Variants in NRG3 observed in about 807,000 individuals in gnomAD.
NRG3 encodes neuregulin 3.
Under a neutral mutation model 66.9 loss-of-function variants are expected in NRG3, and 31 were observed. The observed-to-expected ratio is 0.46, with a 90% CI of 0.35 to 0.63. NRG3 has a LOEUF of 0.63. Ranked by LOEUF, NRG3 falls within the 20% of genes least tolerant of loss-of-function variation. The pLI, the probability that NRG3 is intolerant of heterozygous loss-of-function variation, is 0.00. For missense variants in NRG3, 910 were observed against 878.9 expected, an observed-to-expected ratio of 1.04 and a Z score of -0.45; for synonymous variants, 393 against 359.4, an observed-to-expected ratio of 1.09 and a Z score of -1.06.
intron 1 of NRG3, among the ~76,000 whole-genome samples, chr10:82,081,472 C>A (rs1457596157): frequency 1.3e-5 from 2 of 152,184 alleles, no homozygotes; most frequent in Non-Finnish European, 2.9e-5. Context: ...TTAACTGCCG[C>A]AATCTGGCCT....
At chr10:82,141,724 T>C (rs977234583) in intron 1 of NRG3, among the ~76,000 whole-genome samples, 5 of 152,308 alleles carry the variant, frequency 3.3e-5, no homozygotes, top group South Asian at 4.1e-4. Context: ...TTCTAGTCAA[T>C]TTTATTGCAA....
chr10:82,510,476 G>A (rs189692604), intron 2 of NRG3, among the ~76,000 whole-genome samples: 1 of 152,258 alleles, frequency 6.6e-6, no homozygotes, highest in East Asian at 1.9e-4. Context: ...TTTCAGTCCA[G>A]GTCTTGCCAG....
intron 1 of NRG3, among the ~76,000 whole-genome samples, chr10:82,096,489 A>C (rs2011627): frequency 0.84 from 127,381 of 151,858 alleles, 53,501 homozygotes; most frequent in East Asian, 0.9. Context: ...AACAAACAAA[A>C]AAAAAACAAC....
chr10:82,917,950 T>TTTTG, intron 4 of NRG3, among the ~76,000 whole-genome samples: 1 of 121,902 alleles, frequency 8.2e-6, no homozygotes, highest in South Asian at 2.9e-4. Flanking sequence ...GTATGTGGGA[T>TTTTG]TGTGTGTGTG....
rs748380937 is a variant in NRG3, at chr10:82,973,891, G to A, written c.1388G>A (p.Gly463Glu). The change falls in exon 7 of 9, where the codon GGA becomes GAA. Residue 463 changes from glycine to glutamate, a missense_variant. Gly to Glu is a moderately conservative substitution (Grantham distance 98). Transcript: ENST00000372141. Reference sequence around the variant, plus strand: ...CCTGAGGTCCCTTCTCCTGACAGAGGAAGCCAGTCTGTCAAACACCACAGG... The same window carrying A: ...CCTGAGGTCCCTTCTCCTGACAGAGAAAGCCAGTCTGTCAAACACCACAGG... ...SFPEVPSPDRGSQSVKHHRSL... is the reference protein window; with the variant it reads ...SFPEVPSPDRESQSVKHHRSL... 4 of 1,614,028 alleles carry A rather than the reference G, an allele frequency of 2.5e-6. No individual in the cohort carries two copies. Among genetic ancestry groups the A allele is most frequent in the East Asian group, 4.5e-5 (2 of 44,842 alleles).
chr10:82,931,385 A>C (rs1847562854), intron 4 of NRG3, among the ~76,000 whole-genome samples: 1 of 152,190 alleles, frequency 6.6e-6, no homozygotes, highest in African/African-American at 2.4e-5. Context: ...AGCCAGACAC[A>C]ATTTGGGTTG....
At chr10:82,935,444 A>C (rs1237814297) in intron 4 of NRG3, among the ~76,000 whole-genome samples, 1 of 152,228 alleles carries the variant, frequency 6.6e-6, no homozygotes, top group Admixed American at 6.5e-5. Flanking sequence ...TAGAAATAAA[A>C]TAAATGTCCA....
At chr10:81,916,328 A>T (rs1424657544) in intron 1 of NRG3, among the ~76,000 whole-genome samples, 1 of 152,208 alleles carries the variant, frequency 6.6e-6, no homozygotes, top group East Asian at 1.9e-4. Context: ...TTTTGGTTAT[A>T]TAACCATATA....
chr10:82,120,241 G>A (rs1485242792), intron 1 of NRG3, among the ~76,000 whole-genome samples: 1 of 151,930 alleles, frequency 6.6e-6, no homozygotes. Context: ...ATACACCCAG[G>A]TCCTCTCTAA....
At position 82,897,903 on chromosome 10, in the gene NRG3, A is replaced by T. The variant is rs190134720; in HGVS notation, c.1054+32466A>T. Reference sequence around the variant, plus strand: ...ATGATGAGGTGATTAATAGTAGGTTAAAGATACTGTAATTATATATTGAGT... The same window carrying T: ...ATGATGAGGTGATTAATAGTAGGTTTAAGATACTGTAATTATATATTGAGT... On this transcript the variant is annotated intron_variant, in intron 4 of 8. Coordinates refer to ENST00000372141, the MANE Select transcript of NRG3 (RefSeq NM_001010848.4). 5.3e-5 allele frequency among the ~76,000 whole-genome samples: 8 copies of T among 152,352 alleles called. No homozygotes were observed. In the East Asian group the frequency reaches 1.5e-3, roughly 29 times the overall value.
chr10:82,798,563 A>T (rs191367743), intron 3 of NRG3, among the ~76,000 whole-genome samples: 3 of 152,304 alleles, frequency 2.0e-5, no homozygotes, highest in East Asian at 1.9e-4. Flanking sequence ...GGGTTTATTA[A>T]GTTTACAAGG....
intron 2 of NRG3, among the ~76,000 whole-genome samples, chr10:82,580,088 C>T (rs2046267065): frequency 6.6e-6 from 1 of 151,772 alleles, no homozygotes; most frequent in Non-Finnish European, 1.5e-5. Flanking sequence ...CTTATAATAC[C>T]TACTACAATA....
intron 2 of NRG3, among the ~76,000 whole-genome samples, chr10:82,698,129 A>G (rs752951527): frequency 3.9e-5 from 6 of 152,176 alleles, no homozygotes; most frequent in Non-Finnish European, 8.8e-5. Flanking sequence ...ATGGTGAAAC[A>G]TGTAAATAAG....
chr10:82,825,277 T>G (rs1389666937), intron 3 of NRG3, among the ~76,000 whole-genome samples: 1 of 152,218 alleles, frequency 6.6e-6, no homozygotes, highest in African/African-American at 2.4e-5. Context: ...CCTATGGATT[T>G]ATTTCTAAGA....
intron 1 of NRG3, among the ~76,000 whole-genome samples, chr10:81,934,462 A>T (rs993763180): frequency 1.3e-5 from 2 of 152,170 alleles, no homozygotes; most frequent in Non-Finnish European, 2.9e-5. Flanking sequence ...TGTGACACAC[A>T]TAAAGCTTCT....
intron 1 of NRG3, among the ~76,000 whole-genome samples, chr10:82,352,161 G>A (rs1471419025): frequency 6.6e-6 from 1 of 152,164 alleles, no homozygotes; most frequent in African/African-American, 2.4e-5. Context: ...CAGGTGATGA[G>A]TTAGTTATTA....
chr10:82,911,706 T>G, intron 4 of NRG3, among the ~76,000 whole-genome samples: 1 of 151,720 alleles, frequency 6.6e-6, no homozygotes, highest in East Asian at 1.9e-4. Flanking sequence ...TTCTTTTCAT[T>G]AGTTTTCTTT....
chr10:82,570,267 C>A lies in NRG3; in HGVS notation c.954-168310C>A, dbSNP rs549387239. Reference sequence around the variant, plus strand: ...AAATTCCTTAACCTGGCCTTAAAGACCACATGCAATGTGTTGGCATCTACT... The same window carrying A: ...AAATTCCTTAACCTGGCCTTAAAGAACACATGCAATGTGTTGGCATCTACT... On this transcript the variant is annotated intron_variant, in intron 2 of 8. Coordinates refer to ENST00000372141, the MANE Select transcript of NRG3 (RefSeq NM_001010848.4). Among the ~76,000 whole-genome samples, 9 of 151,790 alleles carry A rather than the reference C, an allele frequency of 5.9e-5. No individual in the cohort carries two copies. The South Asian group carries it at 1.7e-3, about 28-fold the overall frequency.
intron 3 of NRG3, among the ~76,000 whole-genome samples, chr10:82,842,071 C>CG (rs1564556017): frequency 1.3e-5 from 2 of 151,928 alleles, no homozygotes; most frequent in African/African-American, 4.8e-5. Flanking sequence ...GTCAACATGG[C>CG]GAAACCCCAT....
Sources: gnomAD v4.1 joint callset for allele counts (sites outside exome capture counted in the v4.1 genomes callset) on GRCh38, gnomAD v4.1.1 for gene constraint, MANE v1.5 for transcripts, NCBI Gene and HGNC (gene_info 2026-07-23, HGNC 2026-07-21) for gene names.